The following GRID2 variants were observed in gnomAD, a reference collection of about 807,000 sequenced individuals.
GRID2 encodes the protein glutamate ionotropic receptor delta type subunit 2.
GRID2 carries 33 observed loss-of-function variants against 114.8 expected under a neutral mutation model. The ratio of observed to expected loss-of-function variants is 0.29; its 90% CI spans 0.22 to 0.38. The LOEUF is 0.38. GRID2 is among the 10% of genes least tolerant of loss of function. The probability of loss-of-function intolerance (pLI) is 1.00; values close to 1 mark genes in which losing one functional copy is unlikely to be tolerated. For missense variants in GRID2, 1,184 were observed against 1,257.7 expected (o/e 0.94, Z 0.89); for synonymous variants, 505 against 449.9 (o/e 1.12, Z -1.55).
At chr4:92,339,923 G>A (rs1479716419) in intron 1 of GRID2, among the ~76,000 whole-genome samples, 4 of 152,214 alleles carry the variant, frequency 2.6e-5, no homozygotes, top group South Asian at 4.1e-4. Context: ...CACAAAGCTC[G>A]TTTTTATTAG....
At chr4:93,123,097 A>G (rs1733945542) in intron 4 of GRID2, among the ~76,000 whole-genome samples, 1 of 152,120 alleles carries the variant, frequency 6.6e-6, no homozygotes, top group African/African-American at 2.4e-5. Flanking sequence ...CAATGAGTCT[A>G]AACTTCCAAA....
chr4:92,673,180 T>TTATA (rs537483206), intron 2 of GRID2, among the ~76,000 whole-genome samples: 272 of 151,948 alleles, frequency 1.8e-3, no homozygotes, highest in Admixed American at 2.6e-3. Context: ...TATCTTTATT[T>TTATA]TATATATATA....
chr4:93,287,365 G>T (rs1489316285), intron 8 of GRID2, among the ~76,000 whole-genome samples: 1 of 152,170 alleles, frequency 6.6e-6, no homozygotes, highest in Non-Finnish European at 1.5e-5. Flanking sequence ...TAGAAGAACT[G>T]GGAGCCTCAC....
At chr4:92,501,205 G>T (rs925778283) in intron 1 of GRID2, among the ~76,000 whole-genome samples, 1 of 152,110 alleles carries the variant, frequency 6.6e-6, no homozygotes, top group African/African-American at 2.4e-5. Context: ...ACTGTCAGTT[G>T]CAGTAATTGA....
chr4:93,050,509 GGTGTGTGTGTGTGTGT>G (rs70942946), intron 2 of GRID2, among the ~76,000 whole-genome samples: 52 of 144,122 alleles, frequency 3.6e-4, no homozygotes, highest in Middle Eastern at 3.6e-3. Context: ...AATAATACCT[GGTGTGTGTGTGTGTGT>G]GTGTGTGTGT....
intron 11 of GRID2, among the ~76,000 whole-genome samples, chr4:93,462,981 G>T (rs543210357): frequency 4.7e-4 from 72 of 152,134 alleles, no homozygotes; most frequent in African/African-American, 1.3e-3. Flanking sequence ...TCTACATTGT[G>T]TTCTTACAGG....
intron 2 of GRID2, among the ~76,000 whole-genome samples, chr4:92,874,076 C>G (rs371896807): frequency 5.3e-5 from 8 of 152,110 alleles, no homozygotes; most frequent in African/African-American, 1.7e-4. Flanking sequence ...TCTTCTTACA[C>G]TCAGGAAGAG....
chr4:93,294,300 G>C (rs913289113), intron 8 of GRID2, among the ~76,000 whole-genome samples: 3 of 150,290 alleles, frequency 2.0e-5, no homozygotes, highest in African/African-American at 7.6e-5. Flanking sequence ...TCCATATCAG[G>C]CTAGTCATTG....
At chr4:92,840,925 C>T (rs1475524844) in intron 2 of GRID2, among the ~76,000 whole-genome samples, 2 of 152,002 alleles carry the variant, frequency 1.3e-5, no homozygotes, top group South Asian at 2.1e-4. Context: ...GTTAATTCTG[C>T]TTGCTAAAAG....
intron 2 of GRID2, among the ~76,000 whole-genome samples, chr4:92,908,861 G>C (rs994468171): frequency 6.6e-6 from 1 of 152,038 alleles, no homozygotes; most frequent in African/African-American, 2.4e-5. Flanking sequence ...CCTTCAATTC[G>C]TCAGGCACCT....
At chr4:93,417,289 C>G (rs1767814182) in intron 9 of GRID2, among the ~76,000 whole-genome samples, 1 of 152,098 alleles carries the variant, frequency 6.6e-6, no homozygotes, top group Admixed American at 6.6e-5. Flanking sequence ...CTTAAAATTA[C>G]TTTCTTACTA....
At chr4:93,753,167 GA>G (rs1732473783) in intron 14 of GRID2, among the ~76,000 whole-genome samples, 1 of 152,138 alleles carries the variant, frequency 6.6e-6, no homozygotes, top group African/African-American at 2.4e-5. Flanking sequence ...AGAGCTAAAA[GA>G]AAGTGGAATC....
chr4:93,473,594 A>G (rs1725045270), intron 11 of GRID2, among the ~76,000 whole-genome samples: 1 of 152,118 alleles, frequency 6.6e-6, no homozygotes, highest in Admixed American at 6.6e-5. Context: ...AGTGTTTGAA[A>G]TTTGTTGCTG....
intron 3 of GRID2, among the ~76,000 whole-genome samples, chr4:93,100,062 T>C (rs1731568049): frequency 1.3e-5 from 2 of 151,962 alleles, no homozygotes; most frequent in African/African-American, 4.8e-5. Flanking sequence ...TGTGCATCAA[T>C]AAGCATATAA....
chr4:92,530,113 T>G lies in GRID2; in HGVS notation c.89-60018T>G, dbSNP rs183572975. 1.4e-4 allele frequency among the ~76,000 whole-genome samples: 22 copies of G among 152,042 alleles called. No individual in the cohort carries two copies. The East Asian group carries it at 3.5e-3, about 24-fold the overall frequency. On this transcript the variant is annotated intron_variant, in intron 1 of 15. Coordinates refer to ENST00000282020, the MANE Select transcript of GRID2 (RefSeq NM_001510.4). The stretch of plus-strand genomic sequence containing the variant: ...CCTAACTTTACTCTAGGTACTGATT[T>G]TATGCAGGGAAAGTTCCTTGTTTAG...
intron 10 of GRID2, among the ~76,000 whole-genome samples, chr4:93,438,897 T>C (rs970948466): frequency 1.3e-5 from 2 of 151,636 alleles, no homozygotes; most frequent in South Asian, 2.1e-4. Flanking sequence ...GTGTTCTCAT[T>C]GTTCAATTCC....
At chr4:93,277,904 T>C (rs1322778513) in intron 8 of GRID2, among the ~76,000 whole-genome samples, 1 of 151,968 alleles carries the variant, frequency 6.6e-6, no homozygotes, top group Non-Finnish European at 1.5e-5. Context: ...TATAAATCAC[T>C]ATGAAACTGA....
intron 2 of GRID2, among the ~76,000 whole-genome samples, chr4:93,011,887 C>A (rs915501575): frequency 6.6e-6 from 1 of 151,904 alleles, no homozygotes; most frequent in African/African-American, 2.4e-5. Flanking sequence ...CTTCCTAAAT[C>A]GGATCTGCTT....
At chr4:93,424,876 C>T (rs1768684524) in intron 10 of GRID2, among the ~76,000 whole-genome samples, 1 of 152,116 alleles carries the variant, frequency 6.6e-6, no homozygotes, top group Admixed American at 6.5e-5. Context: ...TACTCCCTGA[C>T]CTTCAGATTT....
Sources: allele counts gnomAD v4.1 joint callset (sites outside exome capture counted in the v4.1 genomes callset), GRCh38; gene constraint gnomAD v4.1.1; transcripts MANE v1.5; gene names NCBI Gene and HGNC (gene_info 2026-07-23, HGNC 2026-07-21).